Variants in ENTPD3 observed in about 807,000 individuals in gnomAD.
ENTPD3 encodes CD39 antigen-like 3.
ENTPD3 carries 60 observed loss-of-function variants against 51.2 expected under a neutral mutation model. The ratio of observed to expected loss-of-function variants is 1.17; its 90% CI spans 0.95 to 1.45. The LOEUF is 1.45. Among genes scored for constraint, ENTPD3 ranks in the 40% most tolerant of loss-of-function variants. The probability of loss-of-function intolerance (pLI) is 0.00; values close to 1 mark genes in which losing one functional copy is unlikely to be tolerated. For synonymous variants in ENTPD3, 221 were observed against 238.4 expected, an observed-to-expected ratio of 0.93 and a Z score of 0.67; for missense variants, 593 against 641.1, an observed-to-expected ratio of 0.93 and a Z score of 0.81.
chr3:40,409,939 A>G (rs1955590686), intron 4 of ENTPD3, among the ~76,000 whole-genome samples: 1 of 152,216 alleles, frequency 6.6e-6, no homozygotes, highest in African/African-American at 2.4e-5. Context: ...AGTTGGGGTG[A>G]TTAAAAATAT....
At chr3:40,402,111 C>CTTTTTTTTTTTTTT (rs775322652) in intron 4 of ENTPD3, among the ~76,000 whole-genome samples, 110 of 96,732 alleles carry the variant, frequency 1.1e-3, no homozygotes, top group East Asian at 1.8e-3. Flanking sequence ...ATTTCCTTTC[C>CTTTTTTTTTTTTTT]TTTTTTTTTT....
At chr3:40,389,988 T>C (rs1480579490) in intron 2 of ENTPD3, among the ~76,000 whole-genome samples, 1 of 152,212 alleles carries the variant, frequency 6.6e-6, no homozygotes, top group Non-Finnish European at 1.5e-5. Context: ...TCCAATATAG[T>C]AGCCACTAGC....
At chr3:40,425,812 T>G (rs919117246) in intron 10 of ENTPD3, among the ~76,000 whole-genome samples, 2 of 151,026 alleles carry the variant, frequency 1.3e-5, no homozygotes, top group African/African-American at 4.9e-5. Context: ...GCAGGAGAAT[T>G]GCTTGAAACT....
At chr3:40,403,948 G>A (rs927552272) in intron 4 of ENTPD3, among the ~76,000 whole-genome samples, 7 of 152,098 alleles carry the variant, frequency 4.6e-5, no homozygotes, top group African/African-American at 1.4e-4. Flanking sequence ...TGCACCCAGC[G>A]GATATTTTCT....
rs191889161 is a variant in ENTPD3, at chr3:40,400,945, C to G, written c.220C>G (p.Gln74Glu). The change falls in exon 4 of 11, where the codon CAA becomes GAA. Residue 74 changes from glutamine (Q) to glutamate (E), a missense_variant. By Grantham distance (29) the Gln-to-Glu change is conservative. Transcript: ENST00000301825. ...TTCAAGAACCACAGTCTACGTGTAT[C>G]AATGGCCAGCAGAAAAAGAGAATAA... ...GSSRTTVYVY[Q>E]WPAEKENNTG... 1.2e-6 allele frequency: 2 copies of G among 1,613,776 alleles called. No homozygotes were observed. Among genetic ancestry groups the G allele is most frequent in the East Asian group, 4.5e-5 (2 of 44,864 alleles).
At chr3:40,422,746 C>T in intron 7 of ENTPD3, 104 bp from the exon 8 acceptor site, 3 of 962,088 alleles carry the variant, frequency 3.1e-6, no homozygotes, top group Admixed American at 2.6e-5. Context: ...TTTTCTTAAT[C>T]CAGTCTATCA....
At position 40,422,961 on chromosome 3, in the gene ENTPD3, G is replaced by A; in HGVS notation, c.943G>A (p.Glu315Lys). 2 of 1,614,100 alleles carry A rather than the reference G, an allele frequency of 1.2e-6. No homozygotes were observed. Among genetic ancestry groups the A allele is most frequent in the Non-Finnish European group, 8.5e-7 (1 of 1,179,996 alleles). ...DSLCTVDQRP[E>K]SYNPNDVITF... ...CCTGTGCACTGTGGACCAGAGGCCAGAAAGTTATAACCCCAATGATGTCAT... is the reference window on the plus strand; with the variant it reads ...CCTGTGCACTGTGGACCAGAGGCCAAAAAGTTATAACCCCAATGATGTCAT... The change falls in exon 8 of 11, where the codon GAA becomes AAA. Residue 315 changes from glutamate to lysine, a missense_variant. Physicochemically the swap from Glu to Lys is moderately conservative, Grantham distance 56 (BLOSUM62 1). Transcript: ENST00000301825.
At chr3:40,400,277 A>G (rs946851704) in intron 3 of ENTPD3, among the ~76,000 whole-genome samples, 6 of 151,984 alleles carry the variant, frequency 3.9e-5, no homozygotes, top group Non-Finnish European at 7.4e-5. Flanking sequence ...AAAAAAAAAA[A>G]AAAAGAAAAA....
chr3:40,424,997 GTATAT>G (rs1254077840), intron 10 of ENTPD3: 11 of 395,346 alleles, frequency 2.8e-5, no homozygotes, highest in African/African-American at 6.0e-5. Flanking sequence ...TACCAGTAAA[GTATAT>G]TATAAGAATG....
intron 7 of ENTPD3, among the ~76,000 whole-genome samples, chr3:40,421,199 T>G (rs1301735913): frequency 1.3e-5 from 2 of 151,720 alleles, no homozygotes; most frequent in Non-Finnish European, 2.9e-5. Flanking sequence ...AATTTTTGTA[T>G]TTTTAGGAAA....
intron 3 of ENTPD3, among the ~76,000 whole-genome samples, chr3:40,396,745 C>T (rs1053614811): frequency 1.3e-5 from 2 of 152,146 alleles, no homozygotes; most frequent in African/African-American, 2.4e-5. Context: ...CCCTCCCTAC[C>T]CCTAATCATA....
At position 40,400,023 on chromosome 3, in the gene ENTPD3, G is replaced by C. The variant is rs553096827; in HGVS notation, c.169-871G>C. Among the ~76,000 whole-genome samples the C allele has an allele frequency of 2.6e-5, 4 of 152,242 alleles. No individual in the cohort carries two copies. In the East Asian group the frequency reaches 7.7e-4, roughly 29 times the overall value. On this transcript the variant is annotated intron_variant, in intron 3 of 10. Coordinates refer to ENST00000301825, the MANE Select transcript of ENTPD3 (RefSeq NM_001248.4). ...CTCACGCCTGTAATCCCAGCACTTTGGGAGGCCGAGGCGGGTGGATCACTT... is the reference window on the plus strand; with the variant it reads ...CTCACGCCTGTAATCCCAGCACTTTCGGAGGCCGAGGCGGGTGGATCACTT...
intron 7 of ENTPD3, among the ~76,000 whole-genome samples, chr3:40,417,086 CAAACATCTCCCCA>C (rs1216037145): frequency 6.6e-6 from 1 of 152,066 alleles, no homozygotes; most frequent in South Asian, 2.1e-4. Flanking sequence ...GCCCCTCCCC[CAAACATCTCCCCA>C]ATCCTCCCAG....
intron 10 of ENTPD3, among the ~76,000 whole-genome samples, 163 bp from the exon 11 acceptor site, chr3:40,427,109 T>C (rs1955999957): frequency 6.6e-6 from 1 of 152,220 alleles, no homozygotes. Flanking sequence ...TCCCCAAGCC[T>C]TTGTGGCTAC....
At chr3:40,396,173 G>C (rs866380569) in intron 3 of ENTPD3, among the ~76,000 whole-genome samples, 1 of 152,194 alleles carries the variant, frequency 6.6e-6, no homozygotes, top group Non-Finnish European at 1.5e-5. Context: ...GGTCCATTCT[G>C]CTTAATTGGG....
intron 10 of ENTPD3, among the ~76,000 whole-genome samples, chr3:40,424,520 T>C (rs1955946846): frequency 6.6e-6 from 1 of 152,098 alleles, no homozygotes; most frequent in South Asian, 2.1e-4. Context: ...ATTTGGGGGA[T>C]GGGGAAGATA....
At position 40,426,107 on chromosome 3, in the gene ENTPD3, C is replaced by CTTTTTTTTTTTTT. The variant is rs35267876; in HGVS notation, c.1354-1158_1354-1146dup. Among the ~76,000 whole-genome samples the CTTTTTTTTTTTTT allele has an allele frequency of 3.7e-4, 42 of 112,430 alleles. 1 individual carries two copies. Among genetic ancestry groups the CTTTTTTTTTTTTT allele is most frequent in the Non-Finnish European group, 6.0e-4 (34 of 57,118 alleles). The allele number at this position is 112,430 out of a possible 152,430, so 73.8% of individuals were successfully genotyped here. A position where few individuals can be genotyped will look rare whatever the true frequency, so the allele number is the denominator to read the frequency against. ...AGAGATATCTTTTTCTTTTTCTTTT[C>CTTTTTTTTTTTTT]TTTTTTTTTTTTTTTTTTTGAGACG... On this transcript the variant is annotated intron_variant, in intron 10 of 10. Coordinates refer to ENST00000301825, the MANE Select transcript of ENTPD3 (RefSeq NM_001248.4).
intron 4 of ENTPD3, among the ~76,000 whole-genome samples, chr3:40,404,347 T>C (rs1955443018): frequency 2.6e-5 from 4 of 152,198 alleles, no homozygotes; most frequent in Admixed American, 2.6e-4. Flanking sequence ...GCATTAACTG[T>C]TATTCATGGG....
intron 7 of ENTPD3, among the ~76,000 whole-genome samples, chr3:40,421,496 T>C (rs1319193963): frequency 6.6e-6 from 1 of 152,184 alleles, no homozygotes; most frequent in Admixed American, 6.5e-5. Context: ...AATAGTCATA[T>C]GGAAAAAGTA....
Sources: allele counts gnomAD v4.1 joint callset (sites outside exome capture counted in the v4.1 genomes callset), GRCh38; gene constraint gnomAD v4.1.1; transcripts MANE v1.5; gene names NCBI Gene and HGNC (gene_info 2026-07-23, HGNC 2026-07-21).